CADPS: variants seen among roughly 807,000 people sequenced by gnomAD.
The protein encoded by CADPS is calcium dependent secretion activator, also known as calcium-dependent secretion activator 1.
Under a neutral mutation model 167.3 loss-of-function variants are expected in CADPS, and 57 were observed. That is an observed-to-expected ratio of 0.34 (90% CI 0.28 to 0.42). The LOEUF (loss-of-function observed/expected upper bound fraction) is 0.42. CADPS is among the 20% of genes least tolerant of loss of function. The pLI, the probability that CADPS is intolerant of heterozygous loss-of-function variation, is 1.00. For synonymous variants in CADPS, 676 were observed against 635.3 expected, an observed-to-expected ratio of 1.06 and a Z score of -0.96; for missense variants, 1,414 against 1,738.1, an observed-to-expected ratio of 0.81 and a Z score of 3.32.
chr3:62,543,885 A>G (rs1577482677), intron 11 of CADPS, among the ~76,000 whole-genome samples: 1 of 152,124 alleles, frequency 6.6e-6, no homozygotes. Flanking sequence ...TTTTATTAAT[A>G]ACTCGAATAG....
intron 28 of CADPS, among the ~76,000 whole-genome samples, chr3:62,424,433 T>G (rs562866156): frequency 6.6e-6 from 1 of 152,232 alleles, no homozygotes; most frequent in African/African-American, 2.4e-5. Context: ...TTTGCCTGCC[T>G]CGGCCTCCCA....
chr3:62,733,805 G>A (rs13076731), intron 3 of CADPS, among the ~76,000 whole-genome samples: 11,752 of 152,046 alleles, frequency 0.077, 593 homozygotes, highest in Non-Finnish European at 0.11. Context: ...AGCAGTATAC[G>A]CGATACCCAA....
intron 1 of CADPS, among the ~76,000 whole-genome samples, chr3:62,811,647 G>A (rs1488775458): frequency 2.0e-5 from 3 of 152,180 alleles, no homozygotes; most frequent in Non-Finnish European, 4.4e-5. Context: ...GCCACCTAAT[G>A]TTTTGCTCAG....
chr3:62,475,236 T>A (rs535440204), intron 23 of CADPS, among the ~76,000 whole-genome samples: 7 of 152,322 alleles, frequency 4.6e-5, no homozygotes, highest in African/African-American at 1.7e-4. Flanking sequence ...GGAGATCTTA[T>A]CCTTGACATC....
chr3:62,743,725 C>A (rs1013866455), intron 3 of CADPS, among the ~76,000 whole-genome samples: 2 of 152,082 alleles, frequency 1.3e-5, no homozygotes, highest in African/African-American at 4.8e-5. Context: ...TACAATAGAA[C>A]GTAAATGAGC....
chr3:62,782,223 A>G (rs2091765296), intron 1 of CADPS, among the ~76,000 whole-genome samples: 1 of 152,216 alleles, frequency 6.6e-6, no homozygotes, highest in Non-Finnish European at 1.5e-5. Context: ...GGTGGGCATT[A>G]ATGAAGCCTC....
Position 62,421,690 on chromosome 3 carries a change from CA to C in CADPS, c.3777+16413del, listed in dbSNP as rs879815844. 2.0e-5 allele frequency among the ~76,000 whole-genome samples: 3 copies of C among 152,202 alleles called. No individual in the cohort carries two copies. The highest frequency in any genetic ancestry group is 2.9e-5 in the Non-Finnish European group (2 of 68,046). On this transcript the variant is annotated intron_variant, in intron 28 of 29. Transcript: ENST00000383710. This position sits in a 1 kb window ranked among gnomAD's most constrained non-coding sequence, Gnocchi z 4.7. ...AGGAGGGGGAAGGGGGGACTTTGCC[CA>C]AGCCAAGGATTTGGCTATGACAATG...
intron 5 of CADPS, among the ~76,000 whole-genome samples, chr3:62,649,543 CTTT>C (rs369874258): frequency 0.012 from 471 of 37,716 alleles, 2 homozygotes; most frequent in Middle Eastern, 0.042. Context: ...AATATGTGGT[CTTT>C]TTTTTTTTTT....
intron 26 of CADPS, among the ~76,000 whole-genome samples, chr3:62,462,541 G>A (rs1019970808): frequency 6.6e-6 from 1 of 152,226 alleles, no homozygotes; most frequent in East Asian, 1.9e-4. Context: ...TCAGCTTTCT[G>A]GGGGGCAGAG....
At chr3:62,763,812 C>G (rs183931520) in intron 2 of CADPS, among the ~76,000 whole-genome samples, 16 of 152,256 alleles carry the variant, frequency 1.1e-4, no homozygotes, top group Non-Finnish European at 1.0e-4. Flanking sequence ...TCATTAATAC[C>G]CCACATCCTT....
chr3:62,553,545 C>A (rs1249294853), intron 10 of CADPS, among the ~76,000 whole-genome samples: 1 of 152,154 alleles, frequency 6.6e-6, no homozygotes, highest in Non-Finnish European at 1.5e-5. Flanking sequence ...GAATCCAGGG[C>A]TGGGCCCTCA....
At chr3:62,453,254 T>G (rs957185122) in intron 26 of CADPS, among the ~76,000 whole-genome samples, 10 of 152,180 alleles carry the variant, frequency 6.6e-5, no homozygotes, top group Admixed American at 5.2e-4. Flanking sequence ...GACAGAGAGC[T>G]GTGTTTTTTT....
chr3:62,523,941 C>CT (rs2071375773), intron 13 of CADPS, among the ~76,000 whole-genome samples: 3 of 152,314 alleles, frequency 2.0e-5, no homozygotes, highest in African/African-American at 7.2e-5. Context: ...TAACTGAATC[C>CT]TACTTGCTAC....
At chr3:62,549,486 AT>A (rs1266187826) in intron 11 of CADPS, among the ~76,000 whole-genome samples, 1 of 136,170 alleles carries the variant, frequency 7.3e-6, no homozygotes, top group Non-Finnish European at 1.6e-5. Context: ...TAATGTCATC[AT>A]TTATTTTTAA....
chr3:62,788,000 T>A (rs1576415421), intron 1 of CADPS, among the ~76,000 whole-genome samples: 1 of 152,204 alleles, frequency 6.6e-6, no homozygotes, highest in African/African-American at 2.4e-5. Flanking sequence ...ATAAGTAATC[T>A]TCAATGTGTC....
At chr3:62,815,201 A>G (rs778704443) in intron 1 of CADPS, among the ~76,000 whole-genome samples, 2 of 152,132 alleles carry the variant, frequency 1.3e-5, no homozygotes, top group Non-Finnish European at 2.9e-5. Context: ...TGTACTGGAA[A>G]CAACCAAAAT....
chr3:62,428,521 A>G (rs577493408), intron 28 of CADPS, among the ~76,000 whole-genome samples: 132 of 151,964 alleles, frequency 8.7e-4, no homozygotes, highest in Non-Finnish European at 1.7e-3. Context: ...CCATCATTGC[A>G]TGGAGTCCTC....
intron 3 of CADPS, among the ~76,000 whole-genome samples, chr3:62,689,215 T>A (rs77406101): frequency 6.6e-6 from 1 of 151,960 alleles, no homozygotes; most frequent in South Asian, 2.1e-4. Flanking sequence ...AATTTTTCCA[T>A]GCTGTACCTG....
At chr3:62,864,361 A>T (rs2081320766) in intron 1 of CADPS, among the ~76,000 whole-genome samples, 1 of 152,198 alleles carries the variant, frequency 6.6e-6, no homozygotes, top group South Asian at 2.1e-4. Context: ...GACAGATGGT[A>T]TGGACAGAAG....
Sources: gnomAD v4.1 joint callset for allele counts (sites outside exome capture counted in the v4.1 genomes callset) on GRCh38, gnomAD v4.1.1 for gene constraint, Gnocchi (gnomAD v3.1) non-coding constraint, MANE v1.5 for transcripts, NCBI Gene and HGNC (gene_info 2026-07-23, HGNC 2026-07-21) for gene names.